The following C3orf70 variants were observed in gnomAD, a reference collection of about 807,000 sequenced individuals.
C3orf70 encodes the protein UPF0524 protein C3orf70.
Under a neutral mutation model 20.7 loss-of-function variants are expected in C3orf70, and 15 were observed. The ratio of observed to expected loss-of-function variants is 0.72; its 90% confidence interval spans 0.48 to 1.11. The LOEUF is 1.11. Ranked by LOEUF, C3orf70 falls within the 50% of genes most tolerant of loss-of-function variation. The pLI, the probability that C3orf70 is intolerant of heterozygous loss-of-function variation, is 0.00. For synonymous variants in C3orf70, 161 were observed against 125.7 expected (o/e 1.28, Z -1.88); for missense variants, 332 against 317.6 (o/e 1.05, Z -0.34).
chr3:185,123,037 G>T (rs1716334589), intron 1 of C3orf70, among the ~76,000 whole-genome samples: 2 of 151,440 alleles, frequency 1.3e-5, no homozygotes, highest in African/African-American at 4.9e-5. Context: ...AATTAGCCAG[G>T]CATGGTGGCA....
At chr3:185,089,550 G>A (rs1715522656) in intron 1 of C3orf70, among the ~76,000 whole-genome samples, 1 of 152,076 alleles carries the variant, frequency 6.6e-6, no homozygotes, top group Admixed American at 6.5e-5. Context: ...CTGTGAAGTG[G>A]AATCTTAGTT....
intron 1 of C3orf70, among the ~76,000 whole-genome samples, chr3:185,143,174 T>C (rs1716792661): frequency 6.6e-6 from 1 of 152,156 alleles, no homozygotes; most frequent in South Asian, 2.1e-4. Context: ...TATATTTCTC[T>C]TTTTTTGGCA....
intron 1 of C3orf70, among the ~76,000 whole-genome samples, chr3:185,116,166 T>C (rs1716169256): frequency 6.6e-6 from 1 of 152,192 alleles, no homozygotes; most frequent in Non-Finnish European, 1.5e-5. Flanking sequence ...CGGTAATATT[T>C]TGGCTTGCAG....
chr3:185,149,875 C>A (rs755561572), intron 1 of C3orf70, among the ~76,000 whole-genome samples: 3 of 152,148 alleles, frequency 2.0e-5, no homozygotes, highest in Non-Finnish European at 2.9e-5. Context: ...CAACTGCCAA[C>A]GACAGTCCAG....
intron 1 of C3orf70, among the ~76,000 whole-genome samples, chr3:185,098,889 C>T (rs1053090012): frequency 2.6e-5 from 4 of 152,168 alleles, no homozygotes; most frequent in Non-Finnish European, 4.4e-5. Context: ...TTCCCGTGGG[C>T]GTCATCCACA....
rs71162282 is a variant in C3orf70, at chr3:185,094,074, GTT to G, written c.197-10513_197-10512del. Among the ~76,000 whole-genome samples, 541 of 80,648 alleles carry G rather than the reference GTT, an allele frequency of 6.7e-3. 3 individuals carry two copies. Among genetic ancestry groups the G allele is most frequent in the Admixed American group, 0.036 (202 of 5,586 alleles). 52.9% of individuals were successfully genotyped at this position (80,648 alleles called of 152,430 possible). The stretch of plus-strand genomic sequence containing the variant: ...GGTTTGTAATGAGTTATACCCTGGG[GTT>G]TTTTTTTTTTTTTTTTTTTTTGAGA... On this transcript the variant is annotated intron_variant, in intron 1 of 1. Coordinates refer to ENST00000335012, the MANE Select transcript of C3orf70 (RefSeq NM_001025266.3).
At chr3:185,113,738 T>C (rs1716122567) in intron 1 of C3orf70, among the ~76,000 whole-genome samples, 1 of 152,192 alleles carries the variant, frequency 6.6e-6, no homozygotes, top group African/African-American at 2.4e-5. Context: ...AAATTTATTA[T>C]ATACTTCTTA....
At chr3:185,143,024 C>T (rs1716789980) in intron 1 of C3orf70, among the ~76,000 whole-genome samples, 2 of 152,074 alleles carry the variant, frequency 1.3e-5, no homozygotes, top group African/African-American at 2.4e-5. Flanking sequence ...TCTTGATTGA[C>T]CCCTGGATTT....
At chr3:185,124,228 T>C (rs1457126930) in intron 1 of C3orf70, among the ~76,000 whole-genome samples, 1 of 152,126 alleles carries the variant, frequency 6.6e-6, no homozygotes, top group Non-Finnish European at 1.5e-5. Flanking sequence ...CACGGGGGGA[T>C]CCTGAAATCA....
chr3:185,146,063 A>G (rs529459261), intron 1 of C3orf70, among the ~76,000 whole-genome samples: 15 of 152,154 alleles, frequency 9.9e-5, no homozygotes, highest in African/African-American at 3.6e-4. Context: ...TGTCTCTCGA[A>G]GAACCTATCA....
At chr3:185,100,576 C>A (rs1403858719) in intron 1 of C3orf70, among the ~76,000 whole-genome samples, 1 of 151,988 alleles carries the variant, frequency 6.6e-6, no homozygotes, top group African/African-American at 2.4e-5. Flanking sequence ...GCACTAAATA[C>A]CCATATCAAA....
chr3:185,147,896 T>G (rs184334260), intron 1 of C3orf70, among the ~76,000 whole-genome samples: 1 of 152,326 alleles, frequency 6.6e-6, no homozygotes, highest in Admixed American at 6.5e-5. Flanking sequence ...CTTTGTGTAT[T>G]TTACCAATAT....
chr3:185,120,932 C>T (rs182567963), intron 1 of C3orf70, among the ~76,000 whole-genome samples: 375 of 152,060 alleles, frequency 2.5e-3, no homozygotes, highest in Non-Finnish European at 4.2e-3. Flanking sequence ...CTTGAACACA[C>T]GTTTATAGCA....
intron 1 of C3orf70, among the ~76,000 whole-genome samples, chr3:185,087,891 G>A (rs898719484): frequency 2.0e-5 from 3 of 149,810 alleles, no homozygotes; most frequent in Non-Finnish European, 4.4e-5. Context: ...TTGACTTTAT[G>A]TATTTTAAAT....
intron 1 of C3orf70, among the ~76,000 whole-genome samples, chr3:185,151,773 T>G (rs1716993837): frequency 6.6e-6 from 1 of 152,204 alleles, no homozygotes; most frequent in Non-Finnish European, 1.5e-5. Flanking sequence ...AAACTAACTT[T>G]AGAATATATT....
Position 185,079,250 on chromosome 3 carries a change from C to T in C3orf70, c.*3757G>A, listed in dbSNP as rs534728609. ...GAGCCGAGATCGCGCCACTGCACTC[C>T]AGCCTGGGTGAAGGAGCGAGACTCT... On this transcript the variant is annotated 3_prime_UTR_variant, in exon 2 of 2. Coordinates refer to ENST00000335012, the MANE Select transcript of C3orf70 (RefSeq NM_001025266.3). 8.7e-4 allele frequency: 117 copies of T among 133,794 alleles called. No individual in the cohort carries two copies. The highest frequency in any genetic ancestry group is 3.4e-3 in the African/African-American group (114 of 33,884). The allele number at this position is 133,794 out of a possible 1,614,324, so 8.3% of individuals were successfully genotyped here. A position where few individuals can be genotyped will look rare whatever the true frequency, so the allele number is the denominator to read the frequency against.
At chr3:185,090,599 C>T (rs1350078352) in intron 1 of C3orf70, among the ~76,000 whole-genome samples, 2 of 152,064 alleles carry the variant, frequency 1.3e-5, no homozygotes, top group African/African-American at 4.8e-5. Context: ...AGTTCTTTGA[C>T]TTTATATTTT....
At chr3:185,098,546 T>C (rs1342746206) in intron 1 of C3orf70, among the ~76,000 whole-genome samples, 2 of 152,160 alleles carry the variant, frequency 1.3e-5, no homozygotes, top group East Asian at 1.9e-4. Context: ...AGTTTTCCCA[T>C]AAAATCTCAA....
At position 185,153,000 on chromosome 3, in the gene C3orf70, C is replaced by A. The variant is rs1717029921; in HGVS notation, c.-177G>T. ...AGGCTCGAGGAGGAGCCGCCCCGGGCGCTGCGACCGGGTCCGGGCTGGCAG... is the reference window on the plus strand; with the variant it reads ...AGGCTCGAGGAGGAGCCGCCCCGGGAGCTGCGACCGGGTCCGGGCTGGCAG... On this transcript the variant is annotated 5_prime_UTR_variant, in exon 1 of 2. Transcript: ENST00000335012. The A allele has an allele frequency of 2.9e-6, 1 of 345,016 alleles. No individual in the cohort carries two copies. The highest frequency in any genetic ancestry group is 4.7e-6 in the Non-Finnish European group (1 of 211,236). 21.4% of individuals were successfully genotyped at this position (345,016 alleles called of 1,614,324 possible).
Sources: allele counts gnomAD v4.1 joint callset (sites outside exome capture counted in the v4.1 genomes callset), GRCh38; gene constraint gnomAD v4.1.1; transcripts MANE v1.5; gene names NCBI Gene and HGNC (gene_info 2026-07-23, HGNC 2026-07-21).